Variants in STOML2 observed in about 807,000 individuals in gnomAD.
The protein encoded by STOML2 is stomatin-like protein 2, mitochondrial.
In STOML2, 22 loss-of-function variants were observed where a neutral mutation model predicts 45.7. That is an observed-to-expected ratio of 0.48 (90% CI 0.34 to 0.69). STOML2 has a LOEUF of 0.69. Ranked by LOEUF, STOML2 falls within the 30% of genes least tolerant of loss-of-function variation. STOML2 has a pLI of 0.01. For synonymous variants in STOML2, 181 were observed against 182.7 expected (o/e 0.99, Z 0.08); for missense variants, 359 against 466.9 (o/e 0.77, Z 2.13).
chr9:35,100,523 G>A, intron 9 of STOML2, 75 bp downstream of exon 9: 1 of 1,596,028 alleles, frequency 6.3e-7, no homozygotes, highest in South Asian at 1.1e-5. Context: ...GTATGTAAGT[G>A]TTGATGACGG....
chr9:35,101,620 A>G lies in STOML2; in HGVS notation c.445-60T>C, dbSNP rs1829819962. The G allele has an allele frequency of 8.1e-6, 13 of 1,613,676 alleles. No individual in the cohort carries two copies. The highest frequency in any genetic ancestry group is 1.1e-5 in the Non-Finnish European group (13 of 1,179,888). The stretch of plus-strand genomic sequence containing the variant: ...CTACCTATCAAGGGCCTACACTGAG[A>G]AGGGCCTGGGACTGATCTTGACCTT... On this transcript the variant is annotated intron_variant, in intron 5 of 9. Coordinates refer to ENST00000356493, the MANE Select transcript of STOML2 (RefSeq NM_013442.3). This position sits in a 1 kb window ranked among gnomAD's most constrained non-coding sequence, Gnocchi z 4.3.
chr9:35,102,620 C>G lies in STOML2; in HGVS notation c.183+66G>C. On this transcript the variant is annotated intron_variant, in intron 2 of 9. Transcript: ENST00000356493. The surrounding 1 kb of genome is among the most constrained non-coding windows in gnomAD (Gnocchi z 4.8). ...CGGGCAGGCCCAAAGGAAGTCCTCCCGACATTGCATGTCGTGAGGGATTGG... is the reference window on the plus strand; with the variant it reads ...CGGGCAGGCCCAAAGGAAGTCCTCCGGACATTGCATGTCGTGAGGGATTGG... The G allele has an allele frequency of 6.3e-7, 1 of 1,591,474 alleles. No individual in the cohort carries two copies. Among genetic ancestry groups the G allele is most frequent in the Non-Finnish European group, 8.5e-7 (1 of 1,169,924 alleles).
Position 35,101,393 on chromosome 9 carries a change from G to A in STOML2, c.579+33C>T. The A allele has an allele frequency of 3.7e-6, 6 of 1,613,918 alleles. No individual in the cohort carries two copies. The highest frequency in any genetic ancestry group is 1.7e-5 in the Admixed American group (1 of 60,008). ...GATCCTCCTGGTACTGGAGCACCCT[G>A]AGGCCCTTTTCCCACCCCTCCTTGG... On this transcript the variant is annotated intron_variant, in intron 6 of 9. Coordinates refer to ENST00000356493, the MANE Select transcript of STOML2 (RefSeq NM_013442.3). This position sits in a 1 kb window ranked among gnomAD's most constrained non-coding sequence, Gnocchi z 4.3.
rs532933122 is a variant in STOML2 at position 35,102,873 on chromosome 9, G to T, written c.46-50C>A. The T allele has an allele frequency of 3.1e-6, 5 of 1,600,246 alleles. No homozygotes were observed. The Admixed American group carries it at 6.9e-5, about 22-fold the overall frequency. ...GAGATCCCATCTGGCCAGACACGCC[G>T]CCCCTCGGTCCTGAAGGCATCTCCA... is the stretch of plus-strand genomic sequence containing the variant. On this transcript the variant is annotated intron_variant, in intron 1 of 9. Transcript: ENST00000356493. This position sits in a 1 kb window ranked among gnomAD's most constrained non-coding sequence, Gnocchi z 4.8.
Position 35,100,961 on chromosome 9 carries a change from G to A in STOML2, c.775C>T (p.Arg259Ter). ...TGTGTCAGAGCTGCAGCCAGGATTC[G>A]AATAGCTTCAGCTTTAGCCTTGGCC... Reference protein sequence around the residue: ...AKAKAKAEAIRILAAALTQHN... With the variant: ...AKAKAKAEAI Residue 259 changes from arginine to a stop codon, truncating the protein, a stop_gained, in exon 8 of 10, where the codon CGA (arginine) becomes TGA (stop). Transcript: ENST00000356493. LOFTEE classifies it high-confidence loss of function. The A allele has an allele frequency of 1.9e-6, 3 of 1,614,200 alleles. No homozygotes were observed. Among genetic ancestry groups the A allele is most frequent in the African/African-American group, 1.3e-5 (1 of 75,050 alleles).
At position 35,102,343 on chromosome 9, in the gene STOML2, G is replaced by A. The variant is rs1829837231; in HGVS notation, c.184-149C>T. 5 of 704,612 alleles carry A rather than the reference G, an allele frequency of 7.1e-6. No individual in the cohort carries two copies. In the African/African-American group the frequency reaches 9.0e-5, roughly 13 times the overall value. The allele number at this position is 704,612 out of a possible 1,614,324, so 43.6% of individuals were successfully genotyped here. On this transcript the variant is annotated intron_variant, in intron 2 of 9. Transcript: ENST00000356493. This position sits in a 1 kb window ranked among gnomAD's most constrained non-coding sequence, Gnocchi z 4.8. ...AGAAATAAGTCCTCAGAAGGCTGAGGTGTCACTGGTAAGAAAACCCAAGAG... is the reference window on the plus strand; with the variant it reads ...AGAAATAAGTCCTCAGAAGGCTGAGATGTCACTGGTAAGAAAACCCAAGAG...
At position 35,102,401 on chromosome 9, in the gene STOML2, G is replaced by C; in HGVS notation, c.184-207C>G. ...ATGCAAGACTAGGCCCCTGAATGGAGGGGAGAGTCATGAGAATCGGAGCCA... is the reference window on the plus strand; with the variant it reads ...ATGCAAGACTAGGCCCCTGAATGGACGGGAGAGTCATGAGAATCGGAGCCA... On this transcript the variant is annotated intron_variant, in intron 2 of 9. Transcript: ENST00000356493. The surrounding 1 kb of genome is among the most constrained non-coding windows in gnomAD (Gnocchi z 4.8). The C allele has an allele frequency of 3.1e-6, 2 of 650,096 alleles. No individual in the cohort carries two copies. The highest frequency in any genetic ancestry group is 5.2e-6 in the Non-Finnish European group (2 of 382,036). 40.3% of individuals were successfully genotyped at this position (650,096 alleles called of 1,614,324 possible).
chr9:35,099,800 T>C lies in STOML2; in HGVS notation c.*235A>G. On this transcript the variant is annotated 3_prime_UTR_variant, in exon 10 of 10. Coordinates refer to ENST00000356493, the MANE Select transcript of STOML2 (RefSeq NM_013442.3). ...TAGTTTCACTTTACAAGAAGTTCAC[T>C]CTTATTCATGGAGGCATCATGCTGA... The C allele has an allele frequency of 2.0e-6, 1 of 493,144 alleles. No individual in the cohort carries two copies. The highest frequency in any genetic ancestry group is 3.7e-6 in the Non-Finnish European group (1 of 272,352). The allele number at this position is 493,144 out of a possible 1,614,324, so 30.5% of individuals were successfully genotyped here.
chr9:35,103,184 C>T (rs979948392), upstream of STOML2: 80 of 1,513,230 alleles, frequency 5.3e-5, no homozygotes, highest in Non-Finnish European at 6.4e-5. Context: ...CTTGCAGTTC[C>T]GCTCCCCCGG....
Position 35,100,739 on chromosome 9 carries a change from G to A in STOML2, c.805-13C>T, listed in dbSNP as rs1829798546. The A allele has an allele frequency of 1.2e-6, 2 of 1,614,008 alleles. No individual in the cohort carries two copies. Among genetic ancestry groups the A allele is most frequent in the Non-Finnish European group, 1.7e-6 (2 of 1,179,992 alleles). On this transcript the variant is annotated splice_polypyrimidine_tract_variant and intron_variant, in intron 8 of 9. Transcript: ENST00000356493. The stretch of plus-strand genomic sequence containing the variant: ...CTGCATCTCCATTCTGTGATCACAG[G>A]GGGATAAAAATCAGAGATCACCGAT...
chr9:35,100,246 G>A (rs1246753492), intron 9 of STOML2, 74 bp from the exon 10 acceptor site: 11 of 1,568,166 alleles, frequency 7.0e-6, no homozygotes, highest in Middle Eastern at 2.0e-4. Flanking sequence ...ATGGCTAAAC[G>A]GGAAAAGATG....
Position 35,101,104 on chromosome 9 carries a change from G to A in STOML2, c.724+31C>T, listed in dbSNP as rs1411027233. The A allele has an allele frequency of 6.2e-7, 1 of 1,613,946 alleles. No homozygotes were observed. The highest frequency in any genetic ancestry group is 1.1e-5 in the South Asian group (1 of 91,068). On this transcript the variant is annotated intron_variant, in intron 7 of 9. Transcript: ENST00000356493. This position sits in a 1 kb window ranked among gnomAD's most constrained non-coding sequence, Gnocchi z 4.3. ...ACCAATCTTCAAAGGCCCATGCCTT[G>A]CTCCTCCCTCAGCCTCTACCCTCTC...
intron 9 of STOML2, 33 bp downstream of exon 9, chr9:35,100,565 G>A: frequency 6.2e-7 from 1 of 1,612,180 alleles, no homozygotes; most frequent in Non-Finnish European, 8.5e-7. Context: ...CCTGGCACCA[G>A]TGCTCTATGC....
At position 35,100,781 on chromosome 9, in the gene STOML2, G is replaced by C. The variant is rs1048304624; in HGVS notation, c.805-55C>G. On this transcript the variant is annotated intron_variant, in intron 8 of 9. Transcript: ENST00000356493. The stretch of plus-strand genomic sequence containing the variant: ...ATCACCGATACGGAGAAGAAGGGGG[G>C]GATGGGGAATGAAGAAAGCAGTTCA... 39 of 1,613,384 alleles carry C rather than the reference G, an allele frequency of 2.4e-5. No individual in the cohort carries two copies. In the African/African-American group the frequency reaches 5.2e-4, roughly 22 times the overall value.
Position 35,101,182 on chromosome 9 carries a change from A to T in STOML2, c.677T>A (p.Ile226Asn). The stretch of plus-strand genomic sequence containing the variant: ...AGCCTTTTCTGCTTCGGAGGCCAGG[A>T]TCTGGGCCTGTTTCTTCCCTTCTGC... ...NVAEGKKQAQILASEAEKAEQ... is the reference protein window; with the variant it reads ...NVAEGKKQAQNLASEAEKAEQ... The change falls in exon 7 of 10, where the codon ATC becomes AAC. Residue 226 changes from isoleucine to asparagine, a missense_variant. Ile to Asn is a moderately radical substitution (Grantham distance 149, BLOSUM62 -3). Coordinates refer to ENST00000356493, the MANE Select transcript of STOML2 (RefSeq NM_013442.3). The surrounding 1 kb of genome is among the most constrained non-coding windows in gnomAD (Gnocchi z 4.3). 1.2e-6 allele frequency: 2 copies of T among 1,614,190 alleles called. No homozygotes were observed. The highest frequency in any genetic ancestry group is 1.7e-6 in the Non-Finnish European group (2 of 1,180,034).
Position 35,099,984 on chromosome 9 carries a change from C to G in STOML2, c.*51G>C. The G allele has an allele frequency of 1.3e-6, 2 of 1,576,484 alleles. No homozygotes were observed. The highest frequency in any genetic ancestry group is 1.1e-5 in the South Asian group (1 of 87,324). ...TTGGCAGGGAAGCTAGAGCCAGAAT[C>G]AGGAAAATCTGCTTCCTTGTTCCCA... On this transcript the variant is annotated 3_prime_UTR_variant, in exon 10 of 10. Transcript: ENST00000356493.
At position 35,103,123 on chromosome 9, in the gene STOML2, C is replaced by A. The variant is rs766697214; in HGVS notation, c.-29G>T. ...CCACCGCCGCAGCGACCTCCGGAAC[C>A]AACGAGACGAGCGGAGCGGTCGCTC... is the stretch of plus-strand genomic sequence containing the variant. On this transcript the variant is annotated 5_prime_UTR_variant, in exon 1 of 10. Transcript: ENST00000356493. The A allele has an allele frequency of 6.2e-7, 1 of 1,611,430 alleles. No homozygotes were observed. The highest frequency in any genetic ancestry group is 1.1e-5 in the South Asian group (1 of 91,004).
Position 35,101,981 on chromosome 9 carries a change from A to C in STOML2, c.284-19T>G, listed in dbSNP as rs888518578. On this transcript the variant is annotated intron_variant, in intron 3 of 9. Coordinates refer to ENST00000356493, the MANE Select transcript of STOML2 (RefSeq NM_013442.3). The surrounding 1 kb of genome is among the most constrained non-coding windows in gnomAD (Gnocchi z 4.3). Reference sequence around the variant, plus strand: ...ACATTGTCTGTAGAACCAGGAGAGAAAACGGGGAAAGTCAGGCCTCTAGGT... The same window carrying C: ...ACATTGTCTGTAGAACCAGGAGAGACAACGGGGAAAGTCAGGCCTCTAGGT... 1.1e-5 allele frequency: 17 copies of C among 1,614,162 alleles called. No homozygotes were observed. Among genetic ancestry groups the C allele is most frequent in the Non-Finnish European group, 1.4e-5 (16 of 1,180,036 alleles).
Position 35,102,494 on chromosome 9 carries a change from T to A in STOML2, c.183+192A>T. The A allele has an allele frequency of 1.1e-6, 1 of 921,956 alleles. No homozygotes were observed. The highest frequency in any genetic ancestry group is 1.6e-6 in the Non-Finnish European group (1 of 616,948). The allele number at this position is 921,956 out of a possible 1,614,324, so 57.1% of individuals were successfully genotyped here. On this transcript the variant is annotated intron_variant, in intron 2 of 9. Coordinates refer to ENST00000356493, the MANE Select transcript of STOML2 (RefSeq NM_013442.3). This position sits in a 1 kb window ranked among gnomAD's most constrained non-coding sequence, Gnocchi z 4.8. ...AGTGGGCAGGGGAGATTCCCAAGAA[T>A]GGGGCCTGTGAGATGCATAGGAAAA... is the stretch of plus-strand genomic sequence containing the variant.
Sources: gnomAD v4.1 joint callset for allele counts on GRCh38, gnomAD v4.1.1 for gene constraint, Gnocchi (gnomAD v3.1) non-coding constraint, MANE v1.5 for transcripts, NCBI Gene and HGNC (gene_info 2026-07-23, HGNC 2026-07-21) for gene names.